The following TRPM3 variants were observed in gnomAD, a reference collection of about 807,000 sequenced individuals.
TRPM3 encodes transient receptor potential cation channel subfamily M member 3.
In TRPM3, 77 loss-of-function variants were observed where a neutral mutation model predicts 181.2. That is an observed-to-expected ratio of 0.42 (90% CI 0.35 to 0.51). The LOEUF (loss-of-function observed/expected upper bound fraction) is 0.51. TRPM3 is among the 20% of genes least tolerant of loss of function. TRPM3 has a pLI of 0.01. For missense variants in TRPM3, 1,759 were observed against 2,196.7 expected (o/e 0.80, Z 3.98); for synonymous variants, 745 against 796.4 (o/e 0.94, Z 1.09).
chr9:71,400,590 C>T (rs912689490), intron 1 of TRPM3, among the ~76,000 whole-genome samples: 4 of 151,948 alleles, frequency 2.6e-5, no homozygotes, highest in Non-Finnish European at 5.9e-5. Flanking sequence ...TTAATTTTTA[C>T]ATTTATTAAT....
chr9:71,020,753 T>C (rs2097841075), intron 1 of TRPM3, among the ~76,000 whole-genome samples: 1 of 152,164 alleles, frequency 6.6e-6, no homozygotes, highest in Non-Finnish European at 1.5e-5. Flanking sequence ...ATTGATCAAG[T>C]AGAATTCTCA....
chr9:70,943,810 T>C (rs2096907805), intron 1 of TRPM3, among the ~76,000 whole-genome samples: 1 of 152,226 alleles, frequency 6.6e-6, no homozygotes, highest in Non-Finnish European at 1.5e-5. Context: ...CTCTCTCTGT[T>C]GCCCAGGCTA....
intron 22 of TRPM3, among the ~76,000 whole-genome samples, chr9:70,556,903 A>G (rs960250096): frequency 1.4e-4 from 21 of 152,224 alleles, no homozygotes; most frequent in African/African-American, 5.1e-4. Context: ...GTAGTTCAGT[A>G]TCTAGCACAT....
At chr9:71,138,720 T>C (rs1054059753) in intron 1 of TRPM3, among the ~76,000 whole-genome samples, 2 of 152,206 alleles carry the variant, frequency 1.3e-5, no homozygotes, top group Non-Finnish European at 2.9e-5. Flanking sequence ...TTTTTCCCAA[T>C]AGTCAACTAT....
chr9:70,879,368 A>G (rs1326206696), intron 1 of TRPM3, among the ~76,000 whole-genome samples: 1 of 152,102 alleles, frequency 6.6e-6, no homozygotes, highest in Non-Finnish European at 1.5e-5. Flanking sequence ...CCATAGCTTC[A>G]GAGAGGTAGT....
chr9:70,995,262 C>G (rs2097531061), intron 1 of TRPM3, among the ~76,000 whole-genome samples: 1 of 152,174 alleles, frequency 6.6e-6, no homozygotes, highest in African/African-American at 2.4e-5. Flanking sequence ...CTTTGAACTT[C>G]CTCATCAGGG....
At chr9:70,940,864 G>GGCTA (rs2096879182) in intron 1 of TRPM3, among the ~76,000 whole-genome samples, 1 of 152,184 alleles carries the variant, frequency 6.6e-6, no homozygotes, top group South Asian at 2.1e-4. Flanking sequence ...ACTGAAGCAA[G>GGCTA]GCTAGAGTGG....
intron 8 of TRPM3, among the ~76,000 whole-genome samples, chr9:70,688,155 G>C (rs2067473151): frequency 6.6e-6 from 1 of 151,962 alleles, no homozygotes. Context: ...TCTCTGTGCA[G>C]CTGTTCAGGC....
intron 22 of TRPM3, among the ~76,000 whole-genome samples, chr9:70,571,475 T>C (rs1196766561): frequency 6.6e-6 from 1 of 152,142 alleles, no homozygotes; most frequent in African/African-American, 2.4e-5. Flanking sequence ...CTGCCAGGGT[T>C]CTAAGTCCAA....
At chr9:71,198,170 T>G (rs1306201223) in intron 1 of TRPM3, among the ~76,000 whole-genome samples, 1 of 151,570 alleles carries the variant, frequency 6.6e-6, no homozygotes, top group Non-Finnish European at 1.5e-5. Context: ...TTGTCAAAGA[T>G]CAGATAGTTG....
chr9:71,013,988 C>CT lies in TRPM3; in HGVS notation c.177+107189dup, dbSNP rs555753457. Among the ~76,000 whole-genome samples, 282 of 151,934 alleles carry CT rather than the reference C, an allele frequency of 1.9e-3. 1 individual carries two copies. The highest frequency in any genetic ancestry group is 6.2e-4 in the South Asian group (3 of 4,816). ...TTTCTTTTGATTTATTCCCAACTTCCTTACGGAGTGTTTTTGGATTGGAAA... is the reference window on the plus strand; with the variant it reads ...TTTCTTTTGATTTATTCCCAACTTCCTTTACGGAGTGTTTTTGGATTGGAAA... On this transcript the variant is annotated intron_variant, in intron 1 of 25. Transcript: ENST00000677713.
intron 8 of TRPM3, among the ~76,000 whole-genome samples, chr9:70,754,595 C>G (rs956370480): frequency 3.3e-5 from 5 of 152,138 alleles, no homozygotes; most frequent in African/African-American, 1.2e-4. Context: ...CATGAGGCCA[C>G]AGCACCCAGA....
chr9:71,076,672 G>C (rs1484638570), intron 1 of TRPM3, among the ~76,000 whole-genome samples: 1 of 152,192 alleles, frequency 6.6e-6, no homozygotes, highest in Non-Finnish European at 1.5e-5. Context: ...CTGGGGAAAA[G>C]CTAATGTCCT....
chr9:70,982,111 C>A (rs2134030546), intron 1 of TRPM3, among the ~76,000 whole-genome samples: 1 of 152,302 alleles, frequency 6.6e-6, no homozygotes, highest in Admixed American at 6.5e-5. Flanking sequence ...AAACCAATTT[C>A]ACCTCATTAC....
intron 1 of TRPM3, among the ~76,000 whole-genome samples, chr9:71,047,042 C>A (rs1401015336): frequency 6.6e-6 from 1 of 152,110 alleles, no homozygotes; most frequent in Non-Finnish European, 1.5e-5. Flanking sequence ...GGGAAAAACA[C>A]AAGGTTTTCT....
intron 8 of TRPM3, among the ~76,000 whole-genome samples, chr9:70,683,880 G>T (rs559769106): frequency 6.6e-6 from 1 of 152,290 alleles, no homozygotes; most frequent in Non-Finnish European, 1.5e-5. Flanking sequence ...AGAACCAGGG[G>T]ACAGAGGTGA....
chr9:70,674,282 CT>C lies in TRPM3; in HGVS notation c.1345+7223del, dbSNP rs898724547. Among the ~76,000 whole-genome samples the C allele has an allele frequency of 6.2e-4, 95 of 152,232 alleles. 3 individuals are homozygous for C. Among genetic ancestry groups the C allele is most frequent in the African/African-American group, 2.2e-3 (90 of 41,538 alleles). ...GGGATAAGTTAGTTGTTTATGAGAG[CT>C]ACCTGATGCATGGAATTATTGGACA... On this transcript the variant is annotated intron_variant, in intron 9 of 25. Coordinates refer to ENST00000677713, the MANE Select transcript of TRPM3 (RefSeq NM_001366145.2).
chr9:70,883,786 T>G (rs1363604148), intron 1 of TRPM3, among the ~76,000 whole-genome samples: 1 of 152,216 alleles, frequency 6.6e-6, no homozygotes, highest in Non-Finnish European at 1.5e-5. Flanking sequence ...CTTGCTCAAG[T>G]TCACACCACT....
rs1184316792 is a variant in TRPM3, at chr9:70,536,445, G to A, written c.4668C>T (p.Tyr1556=). The change falls in exon 26 of 26, where the codon TAC becomes TAT. Residue 1556 remains tyrosine (Y), a synonymous_variant. Coordinates refer to ENST00000677713, the MANE Select transcript of TRPM3 (RefSeq NM_001366145.2). Reference sequence around the variant, plus strand: ...TGTCAATACAGTCTGTAATACTTGTGTATTCTGCTGTTTTTACAGGCACCC... The same window carrying A: ...TGTCAATACAGTCTGTAATACTTGTATATTCTGCTGTTTTTACAGGCACCC... ...NFGVPVKTAE[Y]TSITDCIDTR... The A allele has an allele frequency of 6.2e-7, 1 of 1,614,076 alleles. No individual in the cohort carries two copies. Among genetic ancestry groups the A allele is most frequent in the Non-Finnish European group, 8.5e-7 (1 of 1,180,050 alleles).
Sources: allele counts gnomAD v4.1 joint callset (sites outside exome capture counted in the v4.1 genomes callset), GRCh38; gene constraint gnomAD v4.1.1; transcripts MANE v1.5; gene names NCBI Gene and HGNC (gene_info 2026-07-23, HGNC 2026-07-21).